BIRC6: variants seen among roughly 807,000 people sequenced by gnomAD.
BIRC6 encodes the protein dual E2 ubiquitin-conjugating enzyme/E3 ubiquitin-protein ligase BIRC6.
A neutral mutation model predicts 503.3 loss-of-function variants in BIRC6; 98 were observed. The ratio of observed to expected loss-of-function variants is 0.19; its 90% CI spans 0.17 to 0.23. BIRC6 has a LOEUF of 0.23. BIRC6 is among the 10% of genes least tolerant of loss of function. The pLI, the probability that BIRC6 is intolerant of heterozygous loss-of-function variation, is 1.00. For synonymous variants in BIRC6, 2,240 were observed against 2,078.7 expected (o/e 1.08, Z -2.11); for missense variants, 5,360 against 5,806.0 (o/e 0.92, Z 2.50).
At chr2:32,398,902 A>T (rs537231326) in intron 6 of BIRC6, among the ~76,000 whole-genome samples, 1 of 152,256 alleles carries the variant, frequency 6.6e-6, no homozygotes, top group African/African-American at 2.4e-5. Context: ...CATATTAAAA[A>T]TTGCCCAGGA....
In BIRC6 at chr2:32,439,175, TTGTGTG is replaced by T. The variant is rs957514092; in HGVS notation, c.3632-324_3632-319del. Among the ~76,000 whole-genome samples the T allele has an allele frequency of 5.3e-5, 8 of 151,398 alleles. No individual in the cohort carries two copies. In the East Asian group the frequency reaches 5.8e-4, roughly 11 times the overall value. Reference sequence around the variant, plus strand: ...TCTAGATGATAGCTTAATGACAGTTTTGTGTGTGTGTGTGCGTGTGTATGTGTGTGT... The same window carrying T: ...TCTAGATGATAGCTTAATGACAGTTTTGTGTGTGCGTGTGTATGTGTGTGT... On this transcript the variant is annotated intron_variant, in intron 15 of 73. Transcript: ENST00000421745.
intron 3 of BIRC6, 40 bp from the exon 4 acceptor site, chr2:32,388,710 G>A (rs373100438): frequency 1.4e-6 from 2 of 1,402,794 alleles, no homozygotes; most frequent in Non-Finnish European, 1.9e-6. Context: ...TAAAACTGTT[G>A]AGTACATTTT....
In BIRC6 at chr2:32,515,573, T is replaced by A. The variant is rs746542525; in HGVS notation, c.11152T>A (p.Leu3718Ile). The change falls in exon 55 of 74, where the codon TTA (leucine) becomes ATA (isoleucine). Residue 3718 changes from leucine to isoleucine, a missense_variant. Transcript: ENST00000421745. The stretch of plus-strand genomic sequence containing the variant: ...TCCACTATGGACAGCACTTCTGTTT[T>A]TATTGTGTCACTCTGGGTCCACTTC... ...VNPLWTALLFLLCHSGSTSGS... is the reference protein window; with the variant it reads ...VNPLWTALLFILCHSGSTSGS... 1.2e-6 allele frequency: 2 copies of A among 1,613,998 alleles called. No homozygotes were observed. Among genetic ancestry groups the A allele is most frequent in the South Asian group, 2.2e-5 (2 of 91,090 alleles).
intron 10 of BIRC6, among the ~76,000 whole-genome samples, chr2:32,427,807 TTTTA>T (rs1477824598): frequency 1.3e-5 from 2 of 152,122 alleles, no homozygotes; most frequent in Non-Finnish European, 2.9e-5. Flanking sequence ...TCTTGTAATG[TTTTA>T]TTTATTTACT....
At chr2:32,457,427 G>T (rs2148709487) in intron 23 of BIRC6, among the ~76,000 whole-genome samples, 1 of 151,708 alleles carries the variant, frequency 6.6e-6, no homozygotes, top group Admixed American at 6.6e-5. Context: ...CTGTTTTTAG[G>T]GCTGATTATA....
At position 32,357,104 on chromosome 2, in the gene BIRC6, C is replaced by T. The variant is rs527407977; in HGVS notation, c.-58C>T. The T allele has an allele frequency of 2.6e-5, 35 of 1,371,014 alleles. No individual in the cohort carries two copies. The highest frequency in any genetic ancestry group is 3.3e-5 in the Non-Finnish European group (35 of 1,053,286). The allele number at this position is 1,371,014 out of a possible 1,614,324, so 84.9% of individuals were successfully genotyped here. ...GGCCGGGCGATCGACGTTCCGCGTGCGTGCGGGCGCCTGACTTCACTTCCG... is the reference window on the plus strand; with the variant it reads ...GGCCGGGCGATCGACGTTCCGCGTGTGTGCGGGCGCCTGACTTCACTTCCG... On this transcript the variant is annotated 5_prime_UTR_variant, in exon 1 of 74. Coordinates refer to ENST00000421745, the MANE Select transcript of BIRC6 (RefSeq NM_016252.4). The surrounding 1 kb of genome is among the most constrained non-coding windows in gnomAD (Gnocchi z 4.9).
chr2:32,584,199 C>G (rs1338678362), intron 66 of BIRC6, among the ~76,000 whole-genome samples: 1 of 151,890 alleles, frequency 6.6e-6, no homozygotes, highest in African/African-American at 2.4e-5. Flanking sequence ...ATAACGAGAC[C>G]CCCATCTCTC....
Position 32,357,045 on chromosome 2 carries a change from C to T in BIRC6, c.-117C>T, listed in dbSNP as rs1174353093. 5 of 922,244 alleles carry T rather than the reference C, an allele frequency of 5.4e-6. No individual in the cohort carries two copies. The African/African-American group carries it at 7.1e-5, about 13-fold the overall frequency. 57.1% of individuals were successfully genotyped at this position (922,244 alleles called of 1,614,324 possible). A position where few individuals can be genotyped will look rare whatever the true frequency, so the allele number is the denominator to read the frequency against. On this transcript the variant is annotated 5_prime_UTR_variant, in exon 1 of 74. Coordinates refer to ENST00000421745, the MANE Select transcript of BIRC6 (RefSeq NM_016252.4). The surrounding 1 kb of genome is among the most constrained non-coding windows in gnomAD (Gnocchi z 4.9). Reference sequence around the variant, plus strand: ...CGCCTCCCTCCCTGCTTCTCCCCCTCTCCCGTCAGCCTCCCTCCGAGTTTG... The same window carrying T: ...CGCCTCCCTCCCTGCTTCTCCCCCTTTCCCGTCAGCCTCCCTCCGAGTTTG...
chr2:32,470,337 ATAT>A (rs1558819803), intron 31 of BIRC6, 36 bp downstream of exon 31: 2 of 1,470,342 alleles, frequency 1.4e-6, no homozygotes, highest in East Asian at 5.0e-5. Context: ...AGTAAAAACA[ATAT>A]TCCTGCAAAT....
Position 32,603,001 on chromosome 2 carries a change from G to C in BIRC6, c.13993-5G>C. Reference sequence around the variant, plus strand: ...AATTCTGTTTATGCTTTTTTCGTTCGTCAGGTTTGTTTAAGCATCTTAAAC... The same window carrying C: ...AATTCTGTTTATGCTTTTTTCGTTCCTCAGGTTTGTTTAAGCATCTTAAAC... On this transcript the variant is annotated splice_region_variant and splice_polypyrimidine_tract_variant and intron_variant, in intron 70 of 73. Transcript: ENST00000421745. The C allele has an allele frequency of 6.3e-7, 1 of 1,598,100 alleles. No individual in the cohort carries two copies. Among genetic ancestry groups the C allele is most frequent in the Non-Finnish European group, 8.5e-7 (1 of 1,174,210 alleles).
At chr2:32,413,740 G>T (rs566506396) in intron 9 of BIRC6, among the ~76,000 whole-genome samples, 252 of 151,692 alleles carry the variant, frequency 1.7e-3, no homozygotes, top group African/African-American at 6.0e-3. Context: ...GGTATTTATG[G>T]GGGATTGGTT....
intron 50 of BIRC6, among the ~76,000 whole-genome samples, chr2:32,505,559 C>G (rs1393418840): frequency 6.6e-6 from 1 of 152,140 alleles, no homozygotes; most frequent in Non-Finnish European, 1.5e-5. Flanking sequence ...TCAGTCCTAG[C>G]CTTGTAATGT....
rs983340206 is a variant in BIRC6 at position 32,436,159 on chromosome 2, G to A, written c.3606G>A (p.Thr1202=). The change falls in exon 15 of 74, where the codon ACG becomes ACA. Residue 1202 remains threonine, a synonymous_variant. Coordinates refer to ENST00000421745, the MANE Select transcript of BIRC6 (RefSeq NM_016252.4). ...TATCAGGGCATGCTGGAATGTTGAC[G>A]TTAACAAGCCCCAAACTTGTTAAAG... ...LDLSGHAGML[T]LTSPKLVKGM... 3 of 1,461,696 alleles carry A rather than the reference G, an allele frequency of 2.1e-6. No homozygotes were observed. Among genetic ancestry groups the A allele is most frequent in the Non-Finnish European group, 1.8e-6 (2 of 1,087,604 alleles). The allele number at this position is 1,461,696 out of a possible 1,614,324, so 90.5% of individuals were successfully genotyped here.
At chr2:32,500,606 G>T (rs796895415) in intron 46 of BIRC6, among the ~76,000 whole-genome samples, 1,559 of 118,238 alleles carry the variant, frequency 0.013, 26 homozygotes, top group South Asian at 0.019. Context: ...TTTTGTTTTT[G>T]TTTTTTTTTT....
At chr2:32,616,381 A>C (rs1172747872) in intron 73 of BIRC6, among the ~76,000 whole-genome samples, 1 of 151,792 alleles carries the variant, frequency 6.6e-6, no homozygotes, top group African/African-American at 2.4e-5. Flanking sequence ...AAGAAGGCAA[A>C]ACCCCGTCTC....
chr2:32,389,553 C>T (rs1337919413), intron 4 of BIRC6, among the ~76,000 whole-genome samples: 2 of 152,094 alleles, frequency 1.3e-5, no homozygotes, highest in East Asian at 1.9e-4. Flanking sequence ...AAACCAGTGA[C>T]ACATTCATTT....
chr2:32,449,439 C>T (rs1028078633), intron 22 of BIRC6, among the ~76,000 whole-genome samples: 3 of 152,084 alleles, frequency 2.0e-5, no homozygotes, highest in Non-Finnish European at 4.4e-5. Context: ...ATGTGTTTTT[C>T]GGATGTATGC....
chr2:32,425,837 AACCCTAT>A (rs2043427806), intron 10 of BIRC6, among the ~76,000 whole-genome samples: 1 of 152,228 alleles, frequency 6.6e-6, no homozygotes, highest in Admixed American at 6.5e-5. Context: ...CAAAATGCAC[AACCCTAT>A]ATATTGGGAA....
intron 1 of BIRC6, among the ~76,000 whole-genome samples, chr2:32,362,826 A>T (rs1307297569): frequency 6.6e-6 from 1 of 152,092 alleles, no homozygotes; most frequent in East Asian, 1.9e-4. Flanking sequence ...ATTACACAGA[A>T]TTATTTTAAT....
Sources: allele counts gnomAD v4.1 joint callset (sites outside exome capture counted in the v4.1 genomes callset), GRCh38; gene constraint gnomAD v4.1.1; non-coding constraint Gnocchi (gnomAD v3.1); transcripts MANE v1.5; gene names NCBI Gene and HGNC (gene_info 2026-07-23, HGNC 2026-07-21).